The following PAK5 variants were observed in gnomAD, a reference collection of about 807,000 sequenced individuals.
PAK5 encodes the protein p21 (RAC1) activated kinase 5.
PAK5 carries 16 observed loss-of-function variants against 65.9 expected under a neutral mutation model. The observed-to-expected ratio is 0.24, with a 90% CI of 0.16 to 0.37. The LOEUF (loss-of-function observed/expected upper bound fraction) is 0.37, where lower values mean the gene tolerates loss of function less well. PAK5 is among the 10% of genes least tolerant of loss of function. The probability of loss-of-function intolerance (pLI) is 1.00; values close to 1 mark genes in which losing one functional copy is unlikely to be tolerated. For missense variants in PAK5, 785 were observed against 903.9 expected (o/e 0.87, Z 1.69); for synonymous variants, 371 against 354.9 (o/e 1.05, Z -0.51).
At chr20:9,833,016 T>C (rs187843443) in intron 1 of PAK5, among the ~76,000 whole-genome samples, 16 of 152,370 alleles carry the variant, frequency 1.1e-4, no homozygotes, top group African/African-American at 3.8e-4. Flanking sequence ...TTTATTTTGC[T>C]TTGTGATTCT....
chr20:9,787,989 G>GC (rs1192329918), intron 1 of PAK5, among the ~76,000 whole-genome samples: 1 of 151,088 alleles, frequency 6.6e-6, no homozygotes, highest in Non-Finnish European at 1.5e-5. Context: ...GTGTTGGGGG[G>GC]GGTATGTGTG....
At chr20:9,787,989 G>GGT (rs1569088028) in intron 1 of PAK5, among the ~76,000 whole-genome samples, 1 of 151,088 alleles carries the variant, frequency 6.6e-6, no homozygotes, top group African/African-American at 2.4e-5. Context: ...GTGTTGGGGG[G>GGT]GGTATGTGTG....
chr20:9,611,547 T>C (rs2046560223), intron 3 of PAK5, among the ~76,000 whole-genome samples: 1 of 152,228 alleles, frequency 6.6e-6, no homozygotes, highest in Admixed American at 6.5e-5. Flanking sequence ...TCCATCTTTG[T>C]TAAGATGCCA....
intron 1 of PAK5, among the ~76,000 whole-genome samples, chr20:9,730,283 C>A (rs1220902181): frequency 2.0e-5 from 3 of 151,946 alleles, no homozygotes; most frequent in Non-Finnish European, 2.9e-5. Context: ...AAAAGTAGTA[C>A]AATTCAAATT....
chr20:9,572,615 T>G (rs1444947967), intron 4 of PAK5, among the ~76,000 whole-genome samples: 3 of 152,194 alleles, frequency 2.0e-5, no homozygotes, highest in Non-Finnish European at 1.5e-5. Context: ...CACAATGCAG[T>G]GGAATGGGAC....
In PAK5 at chr20:9,557,665, T is replaced by C; in HGVS notation, c.1686A>G (p.Gln562=). 1 of 1,612,304 alleles carries C rather than the reference T, an allele frequency of 6.2e-7. No homozygotes were observed. The highest frequency in any genetic ancestry group is 8.5e-7 in the Non-Finnish European group (1 of 1,178,608). ...TTTTTATGTCCCTGTGAATCACTCC[T>C]TGGTTATGAAGGTAGGAGAGAGCTC... ...VLRALSYLHN[Q]GVIHRDIKSD... Residue 562 remains glutamine (Q), a synonymous_variant, in exon 7 of 10, where the codon CAA becomes CAG. Transcript: ENST00000353224.
chr20:9,610,509 A>G (rs1763283519), intron 3 of PAK5, among the ~76,000 whole-genome samples: 1 of 152,160 alleles, frequency 6.6e-6, no homozygotes, highest in African/African-American at 2.4e-5. Context: ...TTAAGATCAT[A>G]TATATTAATA....
At chr20:9,783,382 C>T (rs1219021197) in intron 1 of PAK5, among the ~76,000 whole-genome samples, 2 of 152,134 alleles carry the variant, frequency 1.3e-5, no homozygotes, top group African/African-American at 4.8e-5. Context: ...ATTTAAGGTC[C>T]AGATAGCTGC....
At chr20:9,645,199 C>T (rs1446958289) in intron 2 of PAK5, among the ~76,000 whole-genome samples, 8 of 151,394 alleles carry the variant, frequency 5.3e-5, no homozygotes, top group Non-Finnish European at 2.9e-5. Flanking sequence ...GGAAGACTCA[C>T]TTTTCACTGT....
chr20:9,621,103 C>T (rs2123186106), intron 3 of PAK5, among the ~76,000 whole-genome samples: 1 of 151,852 alleles, frequency 6.6e-6, no homozygotes, highest in South Asian at 2.1e-4. Flanking sequence ...AAGCACGACA[C>T]AAAAGAGAGT....
chr20:9,604,009 C>G (rs1222946666), intron 3 of PAK5, among the ~76,000 whole-genome samples: 1 of 152,168 alleles, frequency 6.6e-6, no homozygotes, highest in Admixed American at 6.5e-5. Flanking sequence ...ATAAGATTGG[C>G]AGAATTATGA....
chr20:9,764,652 G>A (rs1012810668), intron 1 of PAK5, among the ~76,000 whole-genome samples: 3 of 152,082 alleles, frequency 2.0e-5, no homozygotes, highest in Non-Finnish European at 2.9e-5. Flanking sequence ...CAATATAAAA[G>A]CCAATTAACT....
rs57922355 is a variant in PAK5 at position 9,723,944 on chromosome 20, C to T, written c.-161-12509G>A. Among the ~76,000 whole-genome samples the T allele has an allele frequency of 6.3e-3, 959 of 152,264 alleles. 19 individuals are homozygous for T. The highest frequency in any genetic ancestry group is 0.022 in the African/African-American group (912 of 41,528). On this transcript the variant is annotated intron_variant, in intron 1 of 9. Transcript: ENST00000353224. The stretch of plus-strand genomic sequence containing the variant: ...TGTAGCATTTTCATGGCAATAGAGA[C>T]CTGACTCAGGATGTTTCCTTTTCAC...
intron 7 of PAK5, among the ~76,000 whole-genome samples, chr20:9,550,480 T>C (rs1293825991): frequency 1.3e-5 from 2 of 152,284 alleles, no homozygotes; most frequent in African/African-American, 4.8e-5. Flanking sequence ...CCACACTCCA[T>C]CTTGGGAATA....
At chr20:9,667,185 G>A (rs978295799) in intron 2 of PAK5, among the ~76,000 whole-genome samples, 5 of 152,154 alleles carry the variant, frequency 3.3e-5, no homozygotes, top group African/African-American at 9.7e-5. Context: ...GCTGAGGCAG[G>A]AGAATCTCTT....
intron 6 of PAK5, among the ~76,000 whole-genome samples, chr20:9,561,661 T>C (rs1192077846): frequency 6.6e-6 from 1 of 152,218 alleles, no homozygotes; most frequent in East Asian, 1.9e-4. Flanking sequence ...TTCCCAGTAC[T>C]TTCTTGTTAC....
intron 3 of PAK5, among the ~76,000 whole-genome samples, chr20:9,610,331 G>T (rs1379925630): frequency 6.6e-6 from 1 of 152,168 alleles, no homozygotes; most frequent in Non-Finnish European, 1.5e-5. Context: ...GCTGCCCCTA[G>T]GTAGAGCTTG....
chr20:9,694,604 C>G (rs1415976600), intron 2 of PAK5, among the ~76,000 whole-genome samples: 2 of 151,902 alleles, frequency 1.3e-5, no homozygotes, highest in Non-Finnish European at 2.9e-5. Flanking sequence ...CTTCTCCCAC[C>G]AGAGATTGAT....
intron 1 of PAK5, among the ~76,000 whole-genome samples, chr20:9,729,834 C>G (rs1367972444): frequency 2.0e-5 from 3 of 151,522 alleles, no homozygotes; most frequent in African/African-American, 7.3e-5. Flanking sequence ...TGGCAAAACT[C>G]TGTCTCTACA....
Sources: gnomAD v4.1 joint callset for allele counts (sites outside exome capture counted in the v4.1 genomes callset) on GRCh38, gnomAD v4.1.1 for gene constraint, MANE v1.5 for transcripts, NCBI Gene and HGNC (gene_info 2026-07-23, HGNC 2026-07-21) for gene names.